Variants in ALDH1A2 observed in about 807,000 individuals in gnomAD.
ALDH1A2 encodes aldehyde dehydrogenase 1 family member A2.
A neutral mutation model predicts 60.3 loss-of-function variants in ALDH1A2; 27 were observed. That is an observed-to-expected ratio of 0.45 (90% CI 0.33 to 0.62). ALDH1A2 has a LOEUF of 0.62. Among genes scored for constraint, ALDH1A2 ranks in the 20% least tolerant of loss-of-function variants. The pLI is 0.02. For synonymous variants in ALDH1A2, 289 were observed against 232.4 expected, an observed-to-expected ratio of 1.24 and a Z score of -2.21; for missense variants, 581 against 643.8, an observed-to-expected ratio of 0.90 and a Z score of 1.06.
chr15:58,034,653 G>T (rs1218760172), intron 1 of ALDH1A2, among the ~76,000 whole-genome samples: 2 of 151,530 alleles, frequency 1.3e-5, no homozygotes, highest in Non-Finnish European at 3.0e-5. Flanking sequence ...CATAATTTTT[G>T]AGAGTCTTCC....
intron 7 of ALDH1A2, among the ~76,000 whole-genome samples, chr15:57,976,385 T>C (rs1160703360): frequency 6.6e-6 from 1 of 152,174 alleles, no homozygotes; most frequent in African/African-American, 2.4e-5. Flanking sequence ...CATCAACCCA[T>C]CATCTACATT....
At chr15:58,033,698 T>C (rs1896302554) in intron 1 of ALDH1A2, among the ~76,000 whole-genome samples, 1 of 151,182 alleles carries the variant, frequency 6.6e-6, no homozygotes, top group Admixed American at 6.6e-5. Context: ...TTTTTTTTTT[T>C]TACATGTGAA....
At chr15:58,009,956 A>G (rs773973559) in intron 4 of ALDH1A2, among the ~76,000 whole-genome samples, 6 of 152,108 alleles carry the variant, frequency 3.9e-5, no homozygotes, top group Non-Finnish European at 7.4e-5. Flanking sequence ...TTAGTCTTCC[A>G]TACTTTCCCT....
chr15:58,025,507 G>T (rs1896056859), intron 1 of ALDH1A2, among the ~76,000 whole-genome samples: 1 of 152,124 alleles, frequency 6.6e-6, no homozygotes, highest in Non-Finnish European at 1.5e-5. Context: ...CAGCAATATT[G>T]AATCAGTAAT....
At chr15:57,974,525 T>C (rs1894179054) in intron 7 of ALDH1A2, among the ~76,000 whole-genome samples, 1 of 151,434 alleles carries the variant, frequency 6.6e-6, no homozygotes, top group Non-Finnish European at 1.5e-5. Flanking sequence ...GGCAATTCAG[T>C]GGAGGCAGGG....
chr15:58,045,065 C>A (rs1318236204), intron 1 of ALDH1A2, among the ~76,000 whole-genome samples: 1 of 152,016 alleles, frequency 6.6e-6, no homozygotes, highest in Admixed American at 6.6e-5. Context: ...AAACAAACAA[C>A]CCCATTAAAA....
chr15:58,064,567 A>C (rs554288963), intron 1 of ALDH1A2, among the ~76,000 whole-genome samples: 1 of 152,336 alleles, frequency 6.6e-6, no homozygotes, highest in South Asian at 2.1e-4. Context: ...CGTTTGCGTT[A>C]ATTGGGAGAA....
rs139944482 is a variant in ALDH1A2 at position 58,015,376 on chromosome 15, A to T, written c.118-1095T>A. Among the ~76,000 whole-genome samples, 19 of 152,346 alleles carry T rather than the reference A, an allele frequency of 1.2e-4. No homozygotes were observed. In the East Asian group the frequency reaches 2.7e-3, roughly 22 times the overall value. On this transcript the variant is annotated intron_variant, in intron 1 of 12. Coordinates refer to ENST00000249750, the MANE Select transcript of ALDH1A2 (RefSeq NM_003888.4). ...TTGATTTGATAAAAACTATGAGCCC[A>T]TGTAGAAGGAGGCACTGATTAAACT... is the stretch of plus-strand genomic sequence containing the variant.
At chr15:58,035,199 T>C (rs1896346903) in intron 1 of ALDH1A2, among the ~76,000 whole-genome samples, 1 of 151,700 alleles carries the variant, frequency 6.6e-6, no homozygotes, top group Non-Finnish European at 1.5e-5. Context: ...TTCAATGAAT[T>C]GGCCCATTTC....
chr15:58,016,312 T>G (rs1305835347), intron 1 of ALDH1A2, among the ~76,000 whole-genome samples: 1 of 151,874 alleles, frequency 6.6e-6, no homozygotes, highest in Non-Finnish European at 1.5e-5. Flanking sequence ...CCCAGCTAAT[T>G]TTTGTATTTT....
intron 7 of ALDH1A2, among the ~76,000 whole-genome samples, chr15:57,967,825 C>T (rs1456637053): frequency 6.6e-6 from 1 of 152,168 alleles, no homozygotes; most frequent in Non-Finnish European, 1.5e-5. Flanking sequence ...CTTCCACTTC[C>T]ACGCAAAGGC....
chr15:57,959,676 G>T (rs1893657971), intron 12 of ALDH1A2, among the ~76,000 whole-genome samples: 1 of 152,198 alleles, frequency 6.6e-6, no homozygotes, highest in Admixed American at 6.5e-5. Context: ...CCATCTTGGA[G>T]ATGAGGTAAC....
chr15:57,966,599 G>A (rs1483450221), intron 7 of ALDH1A2, among the ~76,000 whole-genome samples: 2 of 152,234 alleles, frequency 1.3e-5, no homozygotes, highest in Non-Finnish European at 2.9e-5. Flanking sequence ...CACCTCAGCT[G>A]AAAAGAGCTC....
At chr15:58,003,842 T>A (rs1299854019) in intron 4 of ALDH1A2, among the ~76,000 whole-genome samples, 1 of 151,920 alleles carries the variant, frequency 6.6e-6, no homozygotes, top group African/African-American at 2.4e-5. Context: ...TAGTAATGAT[T>A]ATTATTTATC....
chr15:58,033,172 C>T (rs1255537953), intron 1 of ALDH1A2, among the ~76,000 whole-genome samples: 1 of 151,954 alleles, frequency 6.6e-6, no homozygotes, highest in Admixed American at 6.6e-5. Context: ...AATATCCAGA[C>T]TTGATTACCA....
chr15:58,031,159 GCA>G (rs1896230883), intron 1 of ALDH1A2, among the ~76,000 whole-genome samples: 1 of 152,110 alleles, frequency 6.6e-6, no homozygotes, highest in African/African-American at 2.4e-5. Flanking sequence ...ACTAGTACCA[GCA>G]CAGATACACA....
chr15:58,025,451 G>A (rs952196191), intron 1 of ALDH1A2, among the ~76,000 whole-genome samples: 1 of 152,122 alleles, frequency 6.6e-6, no homozygotes, highest in Non-Finnish European at 1.5e-5. Context: ...AAGCTACCAA[G>A]ATTGAATCAG....
intron 7 of ALDH1A2, chr15:57,990,212 T>C (rs1894847635): frequency 6.6e-6 from 1 of 152,250 alleles, no homozygotes; most frequent in Non-Finnish European, 1.5e-5. Context: ...CTCTAAGGCC[T>C]TCTTGGTAAG....
chr15:58,028,163 A>G (rs1896129732), intron 1 of ALDH1A2, among the ~76,000 whole-genome samples: 2 of 152,226 alleles, frequency 1.3e-5, no homozygotes, highest in Admixed American at 6.5e-5. Context: ...AGGTAAGGTT[A>G]CCCACAAATG....
Sources: gnomAD v4.1 joint callset for allele counts (sites outside exome capture counted in the v4.1 genomes callset) on GRCh38, gnomAD v4.1.1 for gene constraint, MANE v1.5 for transcripts, NCBI Gene and HGNC (gene_info 2026-07-23, HGNC 2026-07-21) for gene names.